Variants in CSMD1 observed in about 807,000 individuals in gnomAD.
The protein encoded by CSMD1 is CUB and sushi domain-containing protein 1.
Under a neutral mutation model 417.5 loss-of-function variants are expected in CSMD1, and 213 were observed. That is an observed-to-expected ratio of 0.51 (90% confidence interval 0.46 to 0.57). The LOEUF is 0.57. Among genes scored for constraint, CSMD1 ranks in the 20% least tolerant of loss-of-function variants. CSMD1 has a pLI of 0.00. For synonymous variants in CSMD1, 2,862 were observed against 1,736.8 expected, an observed-to-expected ratio of 1.65 and a Z score of -16.11; for missense variants, 6,923 against 4,529.7, an observed-to-expected ratio of 1.53 and a Z score of -15.17.
At chr8:3,638,423 C>G (rs554552152) in intron 7 of CSMD1, among the ~76,000 whole-genome samples, 29 of 151,698 alleles carry the variant, frequency 1.9e-4, no homozygotes, top group African/African-American at 6.8e-4. Context: ...TAGTTTTGCC[C>G]ACCGCAACTG....
chr8:3,737,057 C>A (rs574671048), intron 6 of CSMD1, among the ~76,000 whole-genome samples: 1 of 152,234 alleles, frequency 6.6e-6, no homozygotes, highest in African/African-American at 2.4e-5. Context: ...GTGCTTTAAG[C>A]GGATTTGAAA....
intron 2 of CSMD1, among the ~76,000 whole-genome samples, chr8:4,455,198 C>G (rs1212052531): frequency 6.7e-6 from 1 of 149,262 alleles, no homozygotes; most frequent in Non-Finnish European, 1.5e-5. Flanking sequence ...AAAGCTATGA[C>G]TCTCTTTATC....
chr8:3,876,527 A>T (rs1016835230), intron 5 of CSMD1, among the ~76,000 whole-genome samples: 1 of 152,200 alleles, frequency 6.6e-6, no homozygotes, highest in Non-Finnish European at 1.5e-5. Flanking sequence ...TATTAGGAGA[A>T]ATTTATTCAT....
chr8:3,163,301 G>C (rs1188375762), intron 37 of CSMD1, among the ~76,000 whole-genome samples: 4 of 152,086 alleles, frequency 2.6e-5, no homozygotes, highest in Admixed American at 6.6e-5. Flanking sequence ...TCGCACTTTA[G>C]TTCTTGTACT....
At chr8:4,254,376 T>C (rs1289058264) in intron 3 of CSMD1, among the ~76,000 whole-genome samples, 1 of 152,202 alleles carries the variant, frequency 6.6e-6, no homozygotes, top group East Asian at 1.9e-4. Context: ...ATGGGCTGCA[T>C]GACGATGTCT....
intron 1 of CSMD1, among the ~76,000 whole-genome samples, chr8:4,928,996 G>A (rs975606369): frequency 3.9e-5 from 6 of 152,094 alleles, no homozygotes; most frequent in East Asian, 1.9e-4. Flanking sequence ...ACTTGAACCC[G>A]GGCGGCAGAG....
chr8:4,082,276 G>C (rs2554641), intron 3 of CSMD1, among the ~76,000 whole-genome samples: 3 of 152,004 alleles, frequency 2.0e-5, no homozygotes, highest in African/African-American at 7.2e-5. Context: ...ACTAACACAA[G>C]GTAGAATATC....
At chr8:4,699,450 T>A (rs1006221087) in intron 1 of CSMD1, among the ~76,000 whole-genome samples, 2 of 152,166 alleles carry the variant, frequency 1.3e-5, no homozygotes, top group Non-Finnish European at 2.9e-5. Context: ...TTCAATGTCA[T>A]ATTCTATAAA....
chr8:4,075,958 C>G (rs2552136), intron 3 of CSMD1, among the ~76,000 whole-genome samples: 23,851 of 152,180 alleles, frequency 0.16, 1,977 homozygotes, highest in South Asian at 0.35. Flanking sequence ...CTCTTTCCCT[C>G]TAAGTTTTAA....
At chr8:4,644,113 G>A (rs752168481) in intron 1 of CSMD1, among the ~76,000 whole-genome samples, 1 of 152,226 alleles carries the variant, frequency 6.6e-6, no homozygotes, top group Non-Finnish European at 1.5e-5. Context: ...CTTTGCCCAT[G>A]AGCAAGGCCT....
intron 7 of CSMD1, among the ~76,000 whole-genome samples, chr8:3,664,384 C>T (rs1426429015): frequency 6.6e-6 from 1 of 152,176 alleles, no homozygotes; most frequent in African/African-American, 2.4e-5. Flanking sequence ...TTTTTCTGCT[C>T]CTGGTTCACT....
intron 5 of CSMD1, among the ~76,000 whole-genome samples, chr8:3,798,310 G>A (rs553382807): frequency 3.3e-5 from 5 of 151,864 alleles, no homozygotes; most frequent in Non-Finnish European, 4.4e-5. Flanking sequence ...TTAGTGCTTC[G>A]TCTATCTTAA....
chr8:4,332,396 A>G (rs1372373048), intron 3 of CSMD1, among the ~76,000 whole-genome samples: 1 of 152,130 alleles, frequency 6.6e-6, no homozygotes, highest in Admixed American at 6.6e-5. Context: ...ATGCGGCAGG[A>G]GGATAGTATA....
intron 5 of CSMD1, among the ~76,000 whole-genome samples, chr8:3,818,556 C>G (rs984906109): frequency 3.9e-5 from 6 of 152,046 alleles, no homozygotes; most frequent in African/African-American, 1.4e-4. Context: ...AGGAGACTAG[C>G]CAGCATGAAG....
At chr8:3,591,597 C>A (rs1400916888) in intron 8 of CSMD1, among the ~76,000 whole-genome samples, 1 of 152,206 alleles carries the variant, frequency 6.6e-6, no homozygotes, top group Non-Finnish European at 1.5e-5. Flanking sequence ...AATCTACTGA[C>A]TGGCTAGGTA....
chr8:4,129,408 C>A (rs1003111620), intron 3 of CSMD1, among the ~76,000 whole-genome samples: 6 of 152,116 alleles, frequency 3.9e-5, no homozygotes, highest in African/African-American at 9.7e-5. Flanking sequence ...GTTCTCCTTT[C>A]TTGGCTAATT....
At chr8:4,391,668 G>C (rs981420600) in intron 3 of CSMD1, among the ~76,000 whole-genome samples, 11 of 152,042 alleles carry the variant, frequency 7.2e-5, no homozygotes, top group Non-Finnish European at 1.6e-4. Flanking sequence ...TGGGAAGACG[G>C]CTTACTTCCA....
intron 7 of CSMD1, 57 bp downstream of exon 7, chr8:3,708,357 T>C: frequency 6.8e-7 from 1 of 1,466,320 alleles, no homozygotes; most frequent in African/African-American, 1.4e-5. Context: ...ACTGCTCCAT[T>C]CTCTCCTCTG....
chr8:3,211,170 G>A (rs767281481), intron 30 of CSMD1, among the ~76,000 whole-genome samples: 2 of 152,060 alleles, frequency 1.3e-5, no homozygotes, highest in Admixed American at 6.6e-5. Flanking sequence ...ACAGCCTCCC[G>A]AGTAGCTGGG....
Sources: allele counts gnomAD v4.1 joint callset (sites outside exome capture counted in the v4.1 genomes callset), GRCh38; gene constraint gnomAD v4.1.1; transcripts MANE v1.5; gene names NCBI Gene and HGNC (gene_info 2026-07-23, HGNC 2026-07-21).